The following FYN variants were observed in gnomAD, a reference collection of about 807,000 sequenced individuals.
FYN encodes the protein tyrosine-protein kinase Fyn.
Under a neutral mutation model 70.2 loss-of-function variants are expected in FYN, and 10 were observed. The ratio of observed to expected loss-of-function variants is 0.14; its 90% CI spans 0.09 to 0.24. FYN has a LOEUF of 0.24. Among genes scored for constraint, FYN ranks in the 10% least tolerant of loss-of-function variants. The probability of loss-of-function intolerance (pLI) is 1.00; values close to 1 mark genes in which losing one functional copy is unlikely to be tolerated. For missense variants in FYN, 319 were observed against 673.1 expected (o/e 0.47, Z 5.82); for synonymous variants, 236 against 248.6 (o/e 0.95, Z 0.48).
At chr6:111,676,119 GCA>G (rs1313001138) in intron 12 of FYN, among the ~76,000 whole-genome samples, 2 of 152,060 alleles carry the variant, frequency 1.3e-5, no homozygotes, top group Admixed American at 1.3e-4. Context: ...ATTTAAATTG[GCA>G]CAGTTTTAAT....
intron 12 of FYN, among the ~76,000 whole-genome samples, chr6:111,678,122 G>C (rs575195729): frequency 6.0e-4 from 87 of 145,866 alleles, no homozygotes; most frequent in Non-Finnish European, 1.1e-3. Flanking sequence ...GTGTGTGTGT[G>C]TGTGTGTGTG....
At chr6:111,735,296 G>C (rs2128474382) in intron 3 of FYN, among the ~76,000 whole-genome samples, 1 of 152,344 alleles carries the variant, frequency 6.6e-6, no homozygotes, top group South Asian at 2.1e-4. Context: ...ATGTGTAGCT[G>C]GGTAAGTGGC....
At chr6:111,843,428 A>T (rs1219930791) in intron 2 of FYN, among the ~76,000 whole-genome samples, 1 of 152,210 alleles carries the variant, frequency 6.6e-6, no homozygotes, top group Non-Finnish European at 1.5e-5. Context: ...TATACACTTA[A>T]AGCAATGATA....
chr6:111,813,631 C>T (rs1225202401), intron 2 of FYN, among the ~76,000 whole-genome samples: 1 of 152,154 alleles, frequency 6.6e-6, no homozygotes, highest in African/African-American at 2.4e-5. Context: ...TGAGAAGTTG[C>T]AGACTTAAAT....
intron 13 of FYN, among the ~76,000 whole-genome samples, chr6:111,669,869 A>G (rs1303501100): frequency 1.3e-5 from 2 of 152,032 alleles, no homozygotes; most frequent in Non-Finnish European, 2.9e-5. Flanking sequence ...CTGCTGAGAA[A>G]TACACACAAA....
At chr6:111,679,518 C>T (rs1017605338) in intron 12 of FYN, among the ~76,000 whole-genome samples, 2 of 152,178 alleles carry the variant, frequency 1.3e-5, no homozygotes, top group African/African-American at 4.8e-5. Context: ...ACTTGATAAA[C>T]AGGTGCTGAA....
intron 2 of FYN, among the ~76,000 whole-genome samples, chr6:111,790,416 T>G (rs189724964): frequency 1.1e-4 from 16 of 152,140 alleles, no homozygotes; most frequent in Admixed American, 1.0e-3. Flanking sequence ...ACCTGGTACT[T>G]CTGGGTAACT....
chr6:111,774,919 A>T (rs1803647437), intron 3 of FYN, among the ~76,000 whole-genome samples: 1 of 152,138 alleles, frequency 6.6e-6, no homozygotes, highest in African/African-American at 2.4e-5. Flanking sequence ...GGGTTTCGCC[A>T]TGTTGGCCAG....
chr6:111,853,044 G>C (rs1354787162), intron 1 of FYN, among the ~76,000 whole-genome samples: 3 of 152,118 alleles, frequency 2.0e-5, no homozygotes, highest in Non-Finnish European at 2.9e-5. Flanking sequence ...TCTGAGAATT[G>C]CCTGAGCTTT....
chr6:111,716,819 T>A (rs1800669122), intron 4 of FYN, among the ~76,000 whole-genome samples: 1 of 151,118 alleles, frequency 6.6e-6, no homozygotes, highest in African/African-American at 2.4e-5. Context: ...AGTTTCACTC[T>A]TGTCGCCCAG....
chr6:111,736,383 C>G (rs573530151), intron 3 of FYN, among the ~76,000 whole-genome samples: 2 of 152,286 alleles, frequency 1.3e-5, no homozygotes, highest in Middle Eastern at 6.8e-3. Flanking sequence ...AGGCTTAGAA[C>G]AGTCAGAGGA....
At chr6:111,787,202 T>C (rs935025045) in intron 2 of FYN, among the ~76,000 whole-genome samples, 8 of 152,234 alleles carry the variant, frequency 5.3e-5, no homozygotes, top group Non-Finnish European at 1.2e-4. Context: ...GTTTTAGATC[T>C]AACATGTAAG....
chr6:111,673,883 A>G (rs1798421338), intron 13 of FYN, among the ~76,000 whole-genome samples: 1 of 152,204 alleles, frequency 6.6e-6, no homozygotes, highest in Non-Finnish European at 1.5e-5. Flanking sequence ...CTGATAATAC[A>G]GAAACATTCC....
At chr6:111,796,644 C>G (rs185658587) in intron 2 of FYN, among the ~76,000 whole-genome samples, 4 of 152,288 alleles carry the variant, frequency 2.6e-5, no homozygotes, top group African/African-American at 9.6e-5. Context: ...ATCCAATAAA[C>G]ACTAACTGAG....
chr6:111,667,219 C>A (rs998652377), intron 13 of FYN, among the ~76,000 whole-genome samples: 3 of 151,992 alleles, frequency 2.0e-5, no homozygotes, highest in African/African-American at 7.3e-5. Context: ...GTAGTCTTCC[C>A]TTTTTCCTTT....
At chr6:111,720,856 C>T (rs1227755477) in intron 3 of FYN, among the ~76,000 whole-genome samples, 1 of 152,088 alleles carries the variant, frequency 6.6e-6, no homozygotes, top group Admixed American at 6.5e-5. Flanking sequence ...TGCCACCCCA[C>T]CCTCCTCAAA....
At chr6:111,665,995 CT>C (rs991104460) in intron 13 of FYN, among the ~76,000 whole-genome samples, 1,186 of 89,084 alleles carry the variant, frequency 0.013, 5 homozygotes, top group East Asian at 0.055. Flanking sequence ...CCTTTTTCTC[CT>C]TTTTTTTTTT....
At chr6:111,813,124 C>T (rs1404748117) in intron 2 of FYN, among the ~76,000 whole-genome samples, 1 of 152,154 alleles carries the variant, frequency 6.6e-6, no homozygotes, top group East Asian at 1.9e-4. Flanking sequence ...CATGGACTTA[C>T]TGTCTTGCAA....
At chr6:111,798,074 T>C (rs1160874035) in intron 2 of FYN, among the ~76,000 whole-genome samples, 1 of 152,184 alleles carries the variant, frequency 6.6e-6, no homozygotes, top group Non-Finnish European at 1.5e-5. Context: ...CTAGTTTAAA[T>C]ACATCTTAAC....
Sources: gnomAD v4.1 joint callset for allele counts (sites outside exome capture counted in the v4.1 genomes callset) on GRCh38, gnomAD v4.1.1 for gene constraint, MANE v1.5 for transcripts, NCBI Gene and HGNC (gene_info 2026-07-23, HGNC 2026-07-21) for gene names.